The following MRAP variants were observed in gnomAD, a reference collection of about 807,000 sequenced individuals.
The protein encoded by MRAP is melanocortin-2 receptor accessory protein.
MRAP carries 8 observed loss-of-function variants against 8.7 expected under a neutral mutation model. The ratio of observed to expected loss-of-function variants is 0.92; its 90% CI spans 0.54 to 1.66. The LOEUF is 1.66. MRAP is among the 40% of genes most tolerant of loss of function. The pLI is 0.00. For missense variants in MRAP, 237 were observed against 217.1 expected (o/e 1.09, Z -0.58); for synonymous variants, 95 against 95.5 (o/e 1.00, Z 0.03).
At chr21:32,312,494 T>C, downstream of MRAP, 1 of 245,586 alleles carries the variant, frequency 4.1e-6, no homozygotes, top group Non-Finnish European at 7.4e-6. Context: ...GGACCTGAGT[T>C]GCACCTTCAA....
At chr21:32,300,994 TATATG>T (rs942505447) in intron 1 of MRAP, among the ~76,000 whole-genome samples, 19 of 137,088 alleles carry the variant, frequency 1.4e-4, no homozygotes, top group African/African-American at 4.1e-4. Context: ...TATATCATGA[TATATG>T]ATATGATGAT....
chr21:32,303,195 G>C (rs2032330203), intron 1 of MRAP, among the ~76,000 whole-genome samples: 1 of 152,010 alleles, frequency 6.6e-6, no homozygotes, highest in African/African-American at 2.4e-5. Flanking sequence ...TGTTGGCCAG[G>C]CTGGTCTCGA....
intron 2 of MRAP, among the ~76,000 whole-genome samples, chr21:32,310,534 A>G (rs2032534644): frequency 6.6e-6 from 1 of 152,174 alleles, no homozygotes; most frequent in Admixed American, 6.5e-5. Context: ...CATTTTATGG[A>G]TGACGTTAAA....
At chr21:32,310,686 T>G (rs1453670602) in intron 2 of MRAP, among the ~76,000 whole-genome samples, 1 of 151,682 alleles carries the variant, frequency 6.6e-6, no homozygotes. Flanking sequence ...CTTGCTCTGT[T>G]GCCAGGCTGG....
intron 2 of MRAP, chr21:32,308,428 A>G (rs1455828846): frequency 6.6e-6 from 1 of 152,660 alleles, no homozygotes; most frequent in Admixed American, 6.5e-5. Context: ...TACCTTAGGC[A>G]CCTATGGCCA....
At chr21:32,293,142 TA>T (rs1289811562) in intron 2 of MRAP, 2 of 152,080 alleles carry the variant, frequency 1.3e-5, no homozygotes, top group African/African-American at 4.8e-5. Flanking sequence ...GGTGATGTGA[TA>T]ATGAAAGCAG....
chr21:32,298,914 G>A lies in MRAP; in HGVS notation c.-58G>A, dbSNP rs531306724. ...TGAGGCAGTCTCCTCCCAGGGGCTT[G>A]GCGCCTGGCTCGAGGCGAGGCTGCC... On this transcript the variant is annotated 5_prime_UTR_variant, in exon 1 of 3. Coordinates refer to ENST00000303645, the MANE Select transcript of MRAP (RefSeq NM_001379228.1). 2 of 1,258,228 alleles carry A rather than the reference G, an allele frequency of 1.6e-6. No individual in the cohort carries two copies. Among genetic ancestry groups the A allele is most frequent in the Admixed American group, 3.5e-5 (2 of 57,004 alleles). The allele number at this position is 1,258,228 out of a possible 1,614,324, so 77.9% of individuals were successfully genotyped here.
At chr21:32,311,418 C>A (rs73901394) in intron 2 of MRAP, 35 of 299,120 alleles carry the variant, frequency 1.2e-4, no homozygotes, top group African/African-American at 1.7e-4. Context: ...ACCCCCCACC[C>A]CCCCCATCCT....
At position 32,312,286 on chromosome 21, in the gene MRAP, G is replaced by T; in HGVS notation, c.*290G>T. The T allele has an allele frequency of 7.4e-7, 1 of 1,358,742 alleles. No individual in the cohort carries two copies. The highest frequency in any genetic ancestry group is 1.5e-5 in the African/African-American group (1 of 68,318). The allele number at this position is 1,358,742 out of a possible 1,614,324, so 84.2% of individuals were successfully genotyped here. ...AAATAAAATATATGCAAATCAAGAGGAAAAGCTGTTTGCTTACTAATCTTT... is the reference window on the plus strand; with the variant it reads ...AAATAAAATATATGCAAATCAAGAGTAAAAGCTGTTTGCTTACTAATCTTT... On this transcript the variant is annotated 3_prime_UTR_variant, in exon 3 of 3. Coordinates refer to ENST00000303645, the MANE Select transcript of MRAP (RefSeq NM_001379228.1).
At chr21:32,304,965 GTTTTTTT>G (rs537525538) in intron 1 of MRAP, among the ~76,000 whole-genome samples, 1 of 78,128 alleles carries the variant, frequency 1.3e-5, no homozygotes, top group Non-Finnish European at 2.6e-5. Flanking sequence ...TTTTTTTGTT[GTTTTTTT>G]TTTTTTTTTT....
chr21:32,309,458 T>G lies in MRAP; in HGVS notation c.207-2226T>G, dbSNP rs137944730. On this transcript the variant is annotated intron_variant, in intron 2 of 2. Coordinates refer to ENST00000303645, the MANE Select transcript of MRAP (RefSeq NM_001379228.1). ...AGCAATGAAGAAATTCATTTTTTTT[T>G]TTTTGTTTTTGAGACAAGAATCTCG... 1.5e-3 allele frequency among the ~76,000 whole-genome samples: 228 copies of G among 150,342 alleles called. 1 individual carries two copies. The highest frequency in any genetic ancestry group is 2.4e-3 in the Non-Finnish European group (166 of 67,954).
At position 32,300,683 on chromosome 21, in the gene MRAP, CGCGTCCTATGTCAGGGGCGTCAT is replaced by C. The variant is rs1458100772; in HGVS notation, c.106+1619_106+1641del. Among the ~76,000 whole-genome samples, 9 of 120,068 alleles carry C rather than the reference CGCGTCCTATGTCAGGGGCGTCAT, an allele frequency of 7.5e-5. No individual in the cohort carries two copies. In the South Asian group the frequency reaches 8.0e-4, roughly 11 times the overall value. 78.8% of individuals were successfully genotyped at this position (120,068 alleles called of 152,430 possible). A position where few individuals can be genotyped will look rare whatever the true frequency, so the allele number is the denominator to read the frequency against. Reference sequence around the variant, plus strand: ...CACACGTCCTATGTCGGATGTGTCACGCGTCCTATGTCAGGGGCGTCATGCGTCCTATGTCGGGGCGTCATTCG... The same window carrying C: ...CACACGTCCTATGTCGGATGTGTCACGCGTCCTATGTCGGGGCGTCATTCG... On this transcript the variant is annotated intron_variant, in intron 1 of 2. Coordinates refer to ENST00000303645, the MANE Select transcript of MRAP (RefSeq NM_001379228.1).
chr21:32,307,629 C>T (rs1342064023), intron 2 of MRAP, among the ~76,000 whole-genome samples: 1 of 151,352 alleles, frequency 6.6e-6, no homozygotes, highest in Non-Finnish European at 1.5e-5. Flanking sequence ...CAGTAGCTCA[C>T]ACCTGCTGTA....
At chr21:32,304,975 T>G (rs866267624) in intron 1 of MRAP, among the ~76,000 whole-genome samples, 8 of 74,186 alleles carry the variant, frequency 1.1e-4, no homozygotes, top group Middle Eastern at 5.8e-3. Flanking sequence ...GTTTTTTTTT[T>G]TTTTTTTTTT....
At chr21:32,306,614 C>T (rs1424129137) in intron 1 of MRAP, 26 bp from the exon 2 acceptor site, 1 of 1,603,864 alleles carries the variant, frequency 6.2e-7, no homozygotes, top group African/African-American at 1.3e-5. Flanking sequence ...TAACCCAGCG[C>T]TGAGATGCAT....
intron 2 of MRAP, among the ~76,000 whole-genome samples, chr21:32,310,639 ATTTCTTTTTTT>A (rs1347298756): frequency 6.7e-6 from 1 of 148,640 alleles, no homozygotes; most frequent in East Asian, 2.0e-4. Context: ...GGGAGGACAC[ATTTCTTTTTTT>A]TTTCTTTTTT....
At chr21:32,294,183 C>T (rs1235606384), upstream of MRAP, among the ~76,000 whole-genome samples, 3 of 152,126 alleles carry the variant, frequency 2.0e-5, no homozygotes, top group Non-Finnish European at 4.4e-5. Context: ...GGTGCAATCT[C>T]GGCTCACTGC....
Position 32,298,944 on chromosome 21 carries a change from C to T in MRAP, c.-28C>T, listed in dbSNP as rs1467317191. The T allele has an allele frequency of 6.4e-6, 10 of 1,572,308 alleles. No individual in the cohort carries two copies. Among genetic ancestry groups the T allele is most frequent in the Admixed American group, 1.7e-5 (1 of 59,672 alleles). Reference sequence around the variant, plus strand: ...CTGGCTCGAGGCGAGGCTGCCGGCCCGGACGCTGACTGCCCAGTGCCACAG... The same window carrying T: ...CTGGCTCGAGGCGAGGCTGCCGGCCTGGACGCTGACTGCCCAGTGCCACAG... On this transcript the variant is annotated 5_prime_UTR_variant, in exon 1 of 3. Coordinates refer to ENST00000303645, the MANE Select transcript of MRAP (RefSeq NM_001379228.1).
upstream of MRAP, among the ~76,000 whole-genome samples, chr21:32,295,083 C>A (rs1295712189): frequency 6.6e-6 from 1 of 151,478 alleles, no homozygotes; most frequent in Non-Finnish European, 1.5e-5. Context: ...CTACTGGCAG[C>A]AAATTCATAC....
Sources: gnomAD v4.1 joint callset for allele counts (sites outside exome capture counted in the v4.1 genomes callset) on GRCh38, gnomAD v4.1.1 for gene constraint, MANE v1.5 for transcripts, NCBI Gene and HGNC (gene_info 2026-07-23, HGNC 2026-07-21) for gene names.